PTPN9: variants seen among roughly 807,000 people sequenced by gnomAD.
PTPN9 encodes protein tyrosine phosphatase non-receptor type 9.
Under a neutral mutation model 69.8 loss-of-function variants are expected in PTPN9, and 26 were observed. The observed-to-expected ratio is 0.37, with a 90% confidence interval of 0.27 to 0.52. The LOEUF is 0.52. Among genes scored for constraint, PTPN9 ranks in the 20% least tolerant of loss-of-function variants. The pLI is 0.91. For missense variants in PTPN9, 549 were observed against 740.3 expected (o/e 0.74, Z 3.00); for synonymous variants, 274 against 272.5 (o/e 1.01, Z -0.05).
At chr15:75,575,329 C>T (rs2075167366) in intron 1 of PTPN9, among the ~76,000 whole-genome samples, 1 of 152,040 alleles carries the variant, frequency 6.6e-6, no homozygotes, top group East Asian at 1.9e-4. Flanking sequence ...AACTGCACTA[C>T]ACTTTTGCAT....
chr15:75,514,534 G>A lies in PTPN9; in HGVS notation c.528+2725C>T, dbSNP rs529214874. ...GTGGAGGTTGCAGTGAGCCAAGATCGTGCCACTGCACTCAGCCTTGGCAAC... is the reference window on the plus strand; with the variant it reads ...GTGGAGGTTGCAGTGAGCCAAGATCATGCCACTGCACTCAGCCTTGGCAAC... On this transcript the variant is annotated intron_variant, in intron 5 of 12. Transcript: ENST00000618819. Among the ~76,000 whole-genome samples the A allele has an allele frequency of 8.5e-5, 13 of 152,278 alleles. No individual in the cohort carries two copies. In the East Asian group the frequency reaches 1.3e-3, roughly 16 times the overall value.
chr15:75,516,739 TG>T (rs2074871994), intron 5 of PTPN9, among the ~76,000 whole-genome samples: 1 of 138,918 alleles, frequency 7.2e-6, no homozygotes, highest in African/African-American at 2.8e-5. Context: ...AATGTTCCTG[TG>T]CTTTTTTTTT....
chr15:75,542,614 T>TA (rs1362536809), intron 1 of PTPN9, among the ~76,000 whole-genome samples: 3 of 152,166 alleles, frequency 2.0e-5, no homozygotes, highest in Non-Finnish European at 4.4e-5. Context: ...TCCTCAGTGT[T>TA]AATGACTTCC....
intron 5 of PTPN9, 130 bp from the exon 6 acceptor site, chr15:75,509,157 C>G (rs951485204): frequency 1.5e-6 from 1 of 655,118 alleles, no homozygotes; most frequent in Non-Finnish European, 2.6e-6. Flanking sequence ...CAGGTTTGAT[C>G]TCAGCAGCTA....
chr15:75,490,647 C>G (rs184879168), intron 7 of PTPN9, among the ~76,000 whole-genome samples: 2 of 151,490 alleles, frequency 1.3e-5, no homozygotes, highest in African/African-American at 4.8e-5. Flanking sequence ...TTTTTTGAGA[C>G]GGAGTCTCGC....
chr15:75,569,491 G>C (rs1346187839), intron 1 of PTPN9, among the ~76,000 whole-genome samples: 1 of 151,898 alleles, frequency 6.6e-6, no homozygotes. Context: ...GATCACCTGA[G>C]GTCAGGAGTT....
intron 1 of PTPN9, among the ~76,000 whole-genome samples, chr15:75,558,853 T>C (rs950076011): frequency 3.3e-5 from 5 of 152,142 alleles, no homozygotes; most frequent in African/African-American, 1.2e-4. Flanking sequence ...CAGGCTGGAG[T>C]GCAGTGGCGT....
chr15:75,546,196 A>G (rs1295690820), intron 1 of PTPN9, among the ~76,000 whole-genome samples: 3 of 152,226 alleles, frequency 2.0e-5, no homozygotes, highest in Non-Finnish European at 2.9e-5. Flanking sequence ...GAAATCCACA[A>G]ACCACAGTAG....
chr15:75,521,463 A>T (rs2074904946), intron 4 of PTPN9, among the ~76,000 whole-genome samples: 1 of 152,006 alleles, frequency 6.6e-6, no homozygotes, highest in South Asian at 2.1e-4. Flanking sequence ...AAGGAAAAAA[A>T]AAATAAAAAA....
chr15:75,504,506 G>T (rs2074803257), intron 7 of PTPN9, among the ~76,000 whole-genome samples: 1 of 142,790 alleles, frequency 7.0e-6, no homozygotes. Context: ...CGTCCGGGAG[G>T]GAGGTGGGGG....
At chr15:75,473,865 A>G in intron 9 of PTPN9, 98 bp from the exon 10 acceptor site, 1 of 884,826 alleles carries the variant, frequency 1.1e-6, no homozygotes, top group South Asian at 1.5e-5. Flanking sequence ...ACTCCAAACC[A>G]TAGATGGTTA....
intron 1 of PTPN9, among the ~76,000 whole-genome samples, chr15:75,556,134 G>A (rs192046059): frequency 2.9e-4 from 43 of 149,336 alleles, no homozygotes; most frequent in Non-Finnish European, 5.0e-4. Context: ...GCACAACCTC[G>A]GCTCAGTGCA....
intron 8 of PTPN9, among the ~76,000 whole-genome samples, chr15:75,485,103 T>C (rs149843579): frequency 5.3e-4 from 80 of 152,252 alleles, no homozygotes; most frequent in African/African-American, 1.8e-3. Flanking sequence ...ACTGAGCTAA[T>C]AGACCACCTG....
chr15:75,468,679 T>C lies in PTPN9; in HGVS notation c.*90A>G, dbSNP rs2074548231. Reference sequence around the variant, plus strand: ...CACAAGAAAGAAGTTGATCCATGGCTTCAGCGTAACTGATGGCAACCTATA... The same window carrying C: ...CACAAGAAAGAAGTTGATCCATGGCCTCAGCGTAACTGATGGCAACCTATA... On this transcript the variant is annotated 3_prime_UTR_variant, in exon 13 of 13. Coordinates refer to ENST00000618819, the MANE Select transcript of PTPN9 (RefSeq NM_002833.4). 1 of 1,137,470 alleles carries C rather than the reference T, an allele frequency of 8.8e-7. No individual in the cohort carries two copies. Among genetic ancestry groups the C allele is most frequent in the Non-Finnish European group, 1.3e-6 (1 of 777,560 alleles). 70.5% of individuals were successfully genotyped at this position (1,137,470 alleles called of 1,614,324 possible).
chr15:75,556,404 G>A (rs2075077597), intron 1 of PTPN9, among the ~76,000 whole-genome samples: 1 of 143,698 alleles, frequency 7.0e-6, no homozygotes, highest in African/African-American at 2.6e-5. Flanking sequence ...TTGAGACAGG[G>A]TCTCGCTCTG....
Position 75,466,352 on chromosome 15 carries a change from G to A in PTPN9, c.*2417C>T, listed in dbSNP as rs1304590472. ...CAGCCACAACTGCCCCAACTGGGCA[G>A]GCCATCAACAGCCAACAGGTATGAT... On this transcript the variant is annotated 3_prime_UTR_variant, in exon 13 of 13. Transcript: ENST00000618819. 6.6e-6 allele frequency: 1 copy of A among 152,198 alleles called. No homozygotes were observed. The highest frequency in any genetic ancestry group is 2.4e-5 in the African/African-American group (1 of 41,440). The allele number at this position is 152,198 out of a possible 1,614,324, so 9.4% of individuals were successfully genotyped here.
At chr15:75,557,369 G>A (rs1200169059) in intron 1 of PTPN9, among the ~76,000 whole-genome samples, 1 of 151,970 alleles carries the variant, frequency 6.6e-6, no homozygotes, top group Non-Finnish European at 1.5e-5. Flanking sequence ...AGGTTGTAGA[G>A]GGCTGAGATC....
chr15:75,485,925 C>T (rs2074673308), intron 8 of PTPN9, among the ~76,000 whole-genome samples: 3 of 150,638 alleles, frequency 2.0e-5, no homozygotes, highest in Non-Finnish European at 4.4e-5. Flanking sequence ...AAGGTGAAAC[C>T]CCATCTCTAC....
chr15:75,555,025 A>G (rs2075071139), intron 1 of PTPN9, among the ~76,000 whole-genome samples: 1 of 152,242 alleles, frequency 6.6e-6, no homozygotes, highest in Non-Finnish European at 1.5e-5. Context: ...TGCAGTGGAC[A>G]TCAGGTATCT....
Sources: allele counts gnomAD v4.1 joint callset (sites outside exome capture counted in the v4.1 genomes callset), GRCh38; gene constraint gnomAD v4.1.1; transcripts MANE v1.5; gene names NCBI Gene and HGNC (gene_info 2026-07-23, HGNC 2026-07-21).